Variants in PALS1 observed in about 807,000 individuals in gnomAD.
PALS1 encodes the protein protein associated with LIN7 1, MAGUK p55 family member.
PALS1 carries 31 observed loss-of-function variants against 78.9 expected under a neutral mutation model. That is an observed-to-expected ratio of 0.39 (90% confidence interval 0.30 to 0.53). PALS1 has a LOEUF of 0.53. Among genes scored for constraint, PALS1 ranks in the 20% least tolerant of loss-of-function variants. PALS1 has a pLI of 0.67. For synonymous variants in PALS1, 276 were observed against 270.9 expected, an observed-to-expected ratio of 1.02 and a Z score of -0.18; for missense variants, 704 against 826.5, an observed-to-expected ratio of 0.85 and a Z score of 1.82.
At chr14:67,253,841 A>G (rs2140456385) in intron 1 of PALS1, among the ~76,000 whole-genome samples, 1 of 152,042 alleles carries the variant, frequency 6.6e-6, no homozygotes, top group African/African-American at 2.4e-5. Flanking sequence ...CCTGTCTCAA[A>G]AAGAAAAAAA....
At chr14:67,278,916 T>G (rs985641302) in intron 2 of PALS1, 102 bp from the exon 3 acceptor site, 12 of 269,898 alleles carry the variant, frequency 4.4e-5, no homozygotes, top group Admixed American at 3.9e-4. Flanking sequence ...TATTACATAC[T>G]TATTATTTTC....
intron 7 of PALS1, among the ~76,000 whole-genome samples, 181 bp downstream of exon 7, chr14:67,302,752 AT>A (rs2084949053): frequency 6.6e-6 from 1 of 151,888 alleles, no homozygotes; most frequent in Non-Finnish European, 1.5e-5. Flanking sequence ...TACCACTGAT[AT>A]TTTTTTACTT....
chr14:67,332,678 A>C (rs1376864150), intron 14 of PALS1, 102 bp from the exon 15 acceptor site: 10 of 1,101,712 alleles, frequency 9.1e-6, no homozygotes, highest in Non-Finnish European at 1.1e-5. Flanking sequence ...GACAGAAGGA[A>C]AGCTATGAAG....
intron 3 of PALS1, among the ~76,000 whole-genome samples, chr14:67,289,355 T>C (rs1348896106): frequency 6.6e-6 from 1 of 152,172 alleles, no homozygotes; most frequent in Non-Finnish European, 1.5e-5. Context: ...GCTATTTACA[T>C]TGTATTAAGT....
chr14:67,319,949 C>A (rs1253969369), intron 11 of PALS1, among the ~76,000 whole-genome samples: 1 of 152,146 alleles, frequency 6.6e-6, no homozygotes, highest in Non-Finnish European at 1.5e-5. Flanking sequence ...CATCCTTATT[C>A]AAAGTATTGA....
In PALS1 at chr14:67,279,509, A is replaced by G; in HGVS notation, c.339A>G (p.Glu113=). The G allele has an allele frequency of 1.3e-6, 2 of 1,561,380 alleles. No homozygotes were observed. Among genetic ancestry groups the G allele is most frequent in the Non-Finnish European group, 1.7e-6 (2 of 1,156,826 alleles). Reference sequence around the variant, plus strand: ...ATACAGAGGAAGGAATTGTCTTAGAAAGTCCTCATTATGCTGTGAAAATAT... The same window carrying G: ...ATACAGAGGAAGGAATTGTCTTAGAGAGTCCTCATTATGCTGTGAAAATAT... The part of the protein sequence containing the change: ...MFDTEEGIVL[E]SPHYAVKILE... The change falls in exon 3 of 15, where the codon GAA becomes GAG. Residue 113 remains glutamate, a synonymous_variant. Transcript: ENST00000261681.
chr14:67,306,536 T>TG (rs2085007450), intron 8 of PALS1, among the ~76,000 whole-genome samples: 3 of 150,452 alleles, frequency 2.0e-5, no homozygotes, highest in Non-Finnish European at 3.0e-5. Flanking sequence ...TGTGTGTGTG[T>TG]TTGTGTATTT....
chr14:67,302,339 A>G, intron 6 of PALS1, 71 bp from the exon 7 acceptor site: 1 of 1,219,090 alleles, frequency 8.2e-7, no homozygotes, highest in South Asian at 2.3e-5. Flanking sequence ...GAAAAAATAG[A>G]ATTTAAAAAT....
intron 8 of PALS1, among the ~76,000 whole-genome samples, chr14:67,304,427 A>G (rs934364805): frequency 6.6e-6 from 1 of 152,210 alleles, no homozygotes; most frequent in Non-Finnish European, 1.5e-5. Flanking sequence ...CAAAGACAAA[A>G]TATGTATGTA....
intron 3 of PALS1, among the ~76,000 whole-genome samples, chr14:67,281,350 C>G (rs1393326107): frequency 6.6e-6 from 1 of 152,050 alleles, no homozygotes; most frequent in African/African-American, 2.4e-5. Flanking sequence ...AAATTCCTGC[C>G]TTCAGACATT....
Position 67,279,166 on chromosome 14 carries a change from T to A in PALS1, c.-5T>A. 2 of 1,561,368 alleles carry A rather than the reference T, an allele frequency of 1.3e-6. No individual in the cohort carries two copies. Among genetic ancestry groups the A allele is most frequent in the Non-Finnish European group, 1.7e-6 (2 of 1,157,396 alleles). On this transcript the variant is annotated 5_prime_UTR_variant, in exon 3 of 15. Transcript: ENST00000261681. The stretch of plus-strand genomic sequence containing the variant: ...AAAAAGTGGTACAGGTTTTCATAGA[T>A]AACCATGACAACATCCCATATGAAT...
At chr14:67,260,413 T>G (rs1330949918) in intron 1 of PALS1, among the ~76,000 whole-genome samples, 1 of 152,208 alleles carries the variant, frequency 6.6e-6, no homozygotes, top group African/African-American at 2.4e-5. Flanking sequence ...TATTTGTATA[T>G]AGCACAATAT....
chr14:67,310,950 G>A (rs1440982727), intron 8 of PALS1, among the ~76,000 whole-genome samples: 1 of 152,148 alleles, frequency 6.6e-6, no homozygotes, highest in Non-Finnish European at 1.5e-5. Context: ...CGCTTAAAAA[G>A]TGCCCCTTTT....
intron 1 of PALS1, among the ~76,000 whole-genome samples, chr14:67,249,751 T>TGG (rs1567498987): frequency 1.3e-5 from 2 of 152,232 alleles, no homozygotes; most frequent in African/African-American, 4.8e-5. Context: ...AGTTTTACAT[T>TGG]GTCACAGAAA....
At chr14:67,302,926 T>G (rs1362004078) in intron 7 of PALS1, among the ~76,000 whole-genome samples, 4 of 152,220 alleles carry the variant, frequency 2.6e-5, no homozygotes, top group African/African-American at 9.6e-5. Flanking sequence ...GTTCTTTTAT[T>G]TTATTATCTG....
At position 67,335,399 on chromosome 14, in the gene PALS1, A is replaced by C. The variant is rs923176284; in HGVS notation, c.*2443A>C. ...GAGACCCCAGTGTGGGGGAGGTCTTACCATTTAATATAGAAATGATATCAA... is the reference window on the plus strand; with the variant it reads ...GAGACCCCAGTGTGGGGGAGGTCTTCCCATTTAATATAGAAATGATATCAA... On this transcript the variant is annotated 3_prime_UTR_variant, in exon 15 of 15. Coordinates refer to ENST00000261681, the MANE Select transcript of PALS1 (RefSeq NM_022474.4). 1 of 152,132 alleles carries C rather than the reference A, an allele frequency of 6.6e-6. No homozygotes were observed. The highest frequency in any genetic ancestry group is 2.4e-5 in the African/African-American group (1 of 41,436). The allele number at this position is 152,132 out of a possible 1,614,324, so 9.4% of individuals were successfully genotyped here.
At chr14:67,303,428 T>C in intron 7 of PALS1, 94 bp from the exon 8 acceptor site, 1 of 976,692 alleles carries the variant, frequency 1.0e-6, no homozygotes, top group Non-Finnish European at 1.6e-6. Flanking sequence ...GGAGGGGTTC[T>C]GAAATAGTCC....
At chr14:67,303,650 C>A in intron 8 of PALS1, 51 bp downstream of exon 8, 1 of 1,263,184 alleles carries the variant, frequency 7.9e-7, no homozygotes, top group Non-Finnish European at 1.2e-6. Flanking sequence ...ATGCTGTTTA[C>A]TTCTGTTACT....
At chr14:67,315,901 G>C (rs1423983112) in intron 9 of PALS1, among the ~76,000 whole-genome samples, 1 of 152,252 alleles carries the variant, frequency 6.6e-6, no homozygotes, top group East Asian at 1.9e-4. Flanking sequence ...CTCCAGCCTG[G>C]GTGACAGAGC....
Sources: gnomAD v4.1 joint callset for allele counts (sites outside exome capture counted in the v4.1 genomes callset) on GRCh38, gnomAD v4.1.1 for gene constraint, MANE v1.5 for transcripts, NCBI Gene and HGNC (gene_info 2026-07-23, HGNC 2026-07-21) for gene names.